ANKRD33: variants seen among roughly 807,000 people sequenced by gnomAD.
ANKRD33 encodes the protein ankyrin repeat domain 33.
Under a neutral mutation model 20.6 loss-of-function variants are expected in ANKRD33, and 20 were observed. The ratio of observed to expected loss-of-function variants is 0.97; its 90% CI spans 0.68 to 1.41. The LOEUF is 1.41. Among genes scored for constraint, ANKRD33 ranks in the 40% most tolerant of loss-of-function variants. The pLI is 0.00. For missense variants in ANKRD33, 545 were observed against 579.6 expected, an observed-to-expected ratio of 0.94 and a Z score of 0.61; for synonymous variants, 246 against 245.0, an observed-to-expected ratio of 1.00 and a Z score of -0.04.
In ANKRD33 at chr12:51,891,401, T is replaced by C; in HGVS notation, c.*96T>C. On this transcript the variant is annotated 3_prime_UTR_variant, in exon 5 of 5. Coordinates refer to ENST00000301190, the MANE Select transcript of ANKRD33 (RefSeq NM_182608.4). ...TGCCTCCGGCCTCCCCATCCACCTC[T>C]GCCTAAGTAAATCTGCTCTCAACCT... The C allele has an allele frequency of 6.8e-7, 1 of 1,476,518 alleles. No individual in the cohort carries two copies. Among genetic ancestry groups the C allele is most frequent in the Non-Finnish European group, 9.0e-7 (1 of 1,113,218 alleles). 91.5% of individuals were successfully genotyped at this position (1,476,518 alleles called of 1,614,324 possible). A position where few individuals can be genotyped will look rare whatever the true frequency, so the allele number is the denominator to read the frequency against.
In ANKRD33 at chr12:51,890,810, G is replaced by A. The variant is rs1940400209; in HGVS notation, c.864G>A (p.Gln288=). The A allele has an allele frequency of 6.2e-7, 1 of 1,608,876 alleles. No individual in the cohort carries two copies. The highest frequency in any genetic ancestry group is 8.5e-7 in the Non-Finnish European group (1 of 1,179,458). ...QVAPSLLERL[Q]ATLSLPFAPS... The stretch of plus-strand genomic sequence containing the variant: ...CCCCTTCACTCCTAGAACGGCTGCA[G>A]GCTACCTTGAGCCTCCCCTTTGCCC... The change falls in exon 5 of 5, where the codon CAG becomes CAA. Residue 288 remains glutamine, a synonymous_variant. Transcript: ENST00000301190.
rs1940417334 is a variant in ANKRD33 at position 51,891,160 on chromosome 12, C to T, written c.1214C>T (p.Ser405Phe). The change falls in exon 5 of 5, where the codon TCC (serine) becomes TTC (phenylalanine). Residue 405 changes from serine to phenylalanine, a missense_variant. By Grantham distance (155) the Ser-to-Phe change is radical. Transcript: ENST00000301190. ...CCCCAAGTCCCCAAGATCCTCCTCT[C>T]CAAGGCATCCTCATCCTCCCACCAG... ...PRPQVPKILLSKASSSSHQCQ... is the reference protein window; with the variant it reads ...PRPQVPKILLFKASSSSHQCQ... 5.6e-6 allele frequency: 9 copies of T among 1,614,142 alleles called. No homozygotes were observed. Among genetic ancestry groups the T allele is most frequent in the African/African-American group, 1.3e-5 (1 of 74,942 alleles).
Position 51,891,537 on chromosome 12 carries a change from C to A in ANKRD33, c.*232C>A. ...GCTAGATTGATTACGGATGTAATTGCTGTCCATCCATACAGAGCATACTCT... is the reference window on the plus strand; with the variant it reads ...GCTAGATTGATTACGGATGTAATTGATGTCCATCCATACAGAGCATACTCT... On this transcript the variant is annotated 3_prime_UTR_variant, in exon 5 of 5. Transcript: ENST00000301190. The A allele has an allele frequency of 1.5e-6, 1 of 670,510 alleles. No individual in the cohort carries two copies. Among genetic ancestry groups the A allele is most frequent in the Non-Finnish European group, 2.5e-6 (1 of 407,372 alleles). The allele number at this position is 670,510 out of a possible 1,614,324, so 41.5% of individuals were successfully genotyped here.
At chr12:51,890,519 A>G in intron 4 of ANKRD33, 65 bp from the exon 5 acceptor site, 1 of 1,552,264 alleles carries the variant, frequency 6.4e-7, no homozygotes, top group Non-Finnish European at 8.7e-7. Flanking sequence ...CTCCTAAAGA[A>G]TCTGCCCTTC....
intron 2 of ANKRD33, 104 bp downstream of exon 2, chr12:51,888,922 C>T: frequency 4.4e-6 from 7 of 1,582,908 alleles, no homozygotes; most frequent in Non-Finnish European, 6.0e-6. Flanking sequence ...ATACCTCCTG[C>T]AGTCCTAAGG....
chr12:51,890,975 A>G lies in ANKRD33; in HGVS notation c.1029A>G (p.Pro343=). 1 of 1,613,590 alleles carries G rather than the reference A, an allele frequency of 6.2e-7. No individual in the cohort carries two copies. The stretch of plus-strand genomic sequence containing the variant: ...TGGGCACCCGAAGCAAGTCCGTGCC[A>G]GAGCTGTTAGGTACTGCCCCGCCCC... ...PSLGTRSKSV[P]ELLGTAPPPP... is the part of the protein sequence containing the mutation. Residue 343 remains proline (P), a synonymous_variant, in exon 5 of 5, where the codon CCA becomes CCG. Coordinates refer to ENST00000301190, the MANE Select transcript of ANKRD33 (RefSeq NM_182608.4).
chr12:51,888,869 C>T, intron 2 of ANKRD33, 51 bp downstream of exon 2: 1 of 1,605,864 alleles, frequency 6.2e-7, no homozygotes, highest in Non-Finnish European at 8.5e-7. Flanking sequence ...TGCATCCCCA[C>T]CACACCGTCC....
intron 2 of ANKRD33, 115 bp downstream of exon 2, chr12:51,888,933 A>C: frequency 1.9e-6 from 3 of 1,583,468 alleles, no homozygotes; most frequent in Non-Finnish European, 2.6e-6. Context: ...AGTCCTAAGG[A>C]GGAAGGGAAT....
At chr12:51,888,512 T>C (rs1231629354) in intron 1 of ANKRD33, 56 bp from the exon 2 acceptor site, 8 of 1,552,526 alleles carry the variant, frequency 5.2e-6, no homozygotes, top group Non-Finnish European at 6.9e-6. Context: ...AGCTGCTGGG[T>C]CCCCTCCCTA....
chr12:51,891,492 T>C lies in ANKRD33; in HGVS notation c.*187T>C, dbSNP rs1450334755. On this transcript the variant is annotated 3_prime_UTR_variant, in exon 5 of 5. Coordinates refer to ENST00000301190, the MANE Select transcript of ANKRD33 (RefSeq NM_182608.4). ...AGTGAAAGAGTGGAAACACCCGAAG[T>C]GTCCATCAGTAAGGGACAGGCTAGA... 2.0e-6 allele frequency: 2 copies of C among 1,013,094 alleles called. No individual in the cohort carries two copies. Among genetic ancestry groups the C allele is most frequent in the African/African-American group, 3.2e-5 (2 of 61,624 alleles). The allele number at this position is 1,013,094 out of a possible 1,614,324, so 62.8% of individuals were successfully genotyped here.
At chr12:51,888,481 G>A (rs895874136) in intron 1 of ANKRD33, 87 bp from the exon 2 acceptor site, 2 of 1,564,604 alleles carry the variant, frequency 1.3e-6, no homozygotes, top group Non-Finnish European at 8.6e-7. Flanking sequence ...TTTTCCCTGG[G>A]GCAAGGGCTG....
At chr12:51,890,349 T>C (rs2139038960) in intron 4 of ANKRD33, 1 of 1,053,154 alleles carries the variant, frequency 9.5e-7, no homozygotes, top group East Asian at 2.7e-5. Context: ...TATTCTGCCC[T>C]AGGTGGAGCC....
In ANKRD33 at chr12:51,891,503, A is replaced by G; in HGVS notation, c.*198A>G. ...GGAAACACCCGAAGTGTCCATCAGTAAGGGACAGGCTAGATTGATTACGGA... is the reference window on the plus strand; with the variant it reads ...GGAAACACCCGAAGTGTCCATCAGTGAGGGACAGGCTAGATTGATTACGGA... On this transcript the variant is annotated 3_prime_UTR_variant, in exon 5 of 5. Coordinates refer to ENST00000301190, the MANE Select transcript of ANKRD33 (RefSeq NM_182608.4). 1 of 880,068 alleles carries G rather than the reference A, an allele frequency of 1.1e-6. No individual in the cohort carries two copies. The highest frequency in any genetic ancestry group is 1.7e-6 in the Non-Finnish European group (1 of 594,626). 54.5% of individuals were successfully genotyped at this position (880,068 alleles called of 1,614,324 possible). A position where few individuals can be genotyped will look rare whatever the true frequency, so the allele number is the denominator to read the frequency against.
In ANKRD33 at chr12:51,888,225, G is replaced by T. The variant is rs1940285845; in HGVS notation, c.39G>T (p.Trp13Cys). The change falls in exon 1 of 5, where the codon TGG becomes TGT. Residue 13 changes from tryptophan (W) to cysteine (C), a missense_variant. Physicochemically the swap from Trp to Cys is radical, Grantham distance 215. Transcript: ENST00000301190. The stretch of plus-strand genomic sequence containing the variant: ...CATCTGTTACCTGCGTTGCTTCCTG[G>T]GGAGGGATAGTCCACCTGGAGGCAT... The part of the protein sequence containing the change: ...VQPSVTCVAS[W>C]GGIVHLEAFG... The T allele has an allele frequency of 6.2e-7, 1 of 1,614,102 alleles. No homozygotes were observed. The highest frequency in any genetic ancestry group is 1.7e-5 in the Admixed American group (1 of 60,004).
At position 51,890,617 on chromosome 12, in the gene ANKRD33, G is replaced by A. The variant is rs752602716; in HGVS notation, c.671G>A (p.Gly224Asp). 10 of 1,610,398 alleles carry A rather than the reference G, an allele frequency of 6.2e-6. No individual in the cohort carries two copies. Among genetic ancestry groups the A allele is most frequent in the South Asian group, 1.1e-5 (1 of 91,056 alleles). Residue 224 changes from glycine to aspartate, a missense_variant, in exon 5 of 5, where the codon GGC (glycine) becomes GAC (aspartate). By Grantham distance (94) the Gly-to-Asp change is moderately conservative. Transcript: ENST00000301190. Reference sequence around the variant, plus strand: ...CTGACAGCAGTGGACCCTGTTCGGGGCAAGACGGCCCTGGAATGGGCAGTG... The same window carrying A: ...CTGACAGCAGTGGACCCTGTTCGGGACAAGACGGCCCTGGAATGGGCAGTG... Reference protein sequence around the residue: ...ADLTAVDPVRGKTALEWAVLT... With the variant: ...ADLTAVDPVRDKTALEWAVLT...
chr12:51,890,390 C>A, intron 4 of ANKRD33, 194 bp from the exon 5 acceptor site: 1 of 1,397,680 alleles, frequency 7.2e-7, no homozygotes, highest in Non-Finnish European at 9.8e-7. Flanking sequence ...GTCTTTTCCC[C>A]TCTCTGGACC....
intron 4 of ANKRD33, chr12:51,890,377 G>C (rs1940375959): frequency 7.7e-7 from 1 of 1,295,762 alleles, no homozygotes; most frequent in Non-Finnish European, 1.1e-6. Context: ...AGGTCTCTCT[G>C]AAGTCTTTTC....
In ANKRD33 at chr12:51,888,407, G is replaced by C. The variant is rs140460423; in HGVS notation, c.145+76G>C. 6.8e-3 allele frequency: 10,785 copies of C among 1,596,052 alleles called. 57 individuals carry two copies. Among genetic ancestry groups the C allele is most frequent in the Middle Eastern group, 8.8e-3 (53 of 5,992 alleles). On this transcript the variant is annotated intron_variant, in intron 1 of 4. Coordinates refer to ENST00000301190, the MANE Select transcript of ANKRD33 (RefSeq NM_182608.4). ...CTAGAGTGAACCCTGCTTGCTTAGG[G>C]CTCCTGACCCAGCGCTTGTCCTTTC...
chr12:51,891,446 C>A lies in ANKRD33; in HGVS notation c.*141C>A, dbSNP rs1230516257. 3.7e-6 allele frequency: 5 copies of A among 1,336,786 alleles called. No individual in the cohort carries two copies. Among genetic ancestry groups the A allele is most frequent in the Admixed American group, 2.8e-5 (1 of 35,338 alleles). The allele number at this position is 1,336,786 out of a possible 1,614,324, so 82.8% of individuals were successfully genotyped here. A position where few individuals can be genotyped will look rare whatever the true frequency, so the allele number is the denominator to read the frequency against. On this transcript the variant is annotated 3_prime_UTR_variant, in exon 5 of 5. Transcript: ENST00000301190. Reference sequence around the variant, plus strand: ...CAACCTATATATATACAAGGTCATTCATTCTAGCATTGTTTGCAAGAGTGA... The same window carrying A: ...CAACCTATATATATACAAGGTCATTAATTCTAGCATTGTTTGCAAGAGTGA...
Sources: gnomAD v4.1 joint callset for allele counts on GRCh38, gnomAD v4.1.1 for gene constraint, MANE v1.5 for transcripts, NCBI Gene and HGNC (gene_info 2026-07-23, HGNC 2026-07-21) for gene names.